Variants in LRRC53 observed in about 807,000 individuals in gnomAD.
LRRC53 encodes the protein leucine rich repeat containing 53.
Under a neutral mutation model 13.6 loss-of-function variants are expected in LRRC53, and 25 were observed. That is an observed-to-expected ratio of 1.83 (90% CI 1.34 to 2.56). LRRC53 has a LOEUF of 2.56. Ranked by LOEUF, LRRC53 falls within the 30% of genes most tolerant of loss-of-function variation. LRRC53 has a pLI of 0.00. For missense variants in LRRC53, 527 were observed against 275.8 expected, an observed-to-expected ratio of 1.91 and a Z score of -6.45; for synonymous variants, 204 against 109.8, an observed-to-expected ratio of 1.86 and a Z score of -5.37.
chr1:74,526,846 A>G, the LRRC53 span, among the ~76,000 whole-genome samples: 6,154 of 152,276 alleles, frequency 0.04, 194 homozygotes, highest in East Asian at 0.081. Context: ...ACTACAGCTC[A>G]TGGGTAAATC....
intron 1 of LRRC53, among the ~76,000 whole-genome samples, chr1:74,494,528 G>GTC (rs1206049089): frequency 6.6e-6 from 1 of 152,218 alleles, no homozygotes; most frequent in African/African-American, 2.4e-5. Flanking sequence ...ATTAGATTTG[G>GTC]TCACATCATC....
chr1:74,527,538 C>G, the LRRC53 span, among the ~76,000 whole-genome samples: 1 of 152,044 alleles, frequency 6.6e-6, no homozygotes, highest in Non-Finnish European at 1.5e-5. Flanking sequence ...AAAAGGAGAA[C>G]CAGAAAGCCA....
At chr1:74,475,116 C>CCCCACACA (rs371437916) in intron 4 of LRRC53, among the ~76,000 whole-genome samples, 179 bp downstream of exon 4, 14 of 135,994 alleles carry the variant, frequency 1.0e-4, no homozygotes, top group African/African-American at 3.6e-4. Context: ...CCACCTCAGC[C>CCCCACACA]CACACACACA....
the LRRC53 span, among the ~76,000 whole-genome samples, chr1:74,526,560 A>T: frequency 7.6e-3 from 1,152 of 152,322 alleles, 17 homozygotes; most frequent in African/African-American, 0.027. Flanking sequence ...CATCTTCTTC[A>T]TTAGGTTGCA....
At chr1:74,484,134 C>A (rs369928016) in intron 1 of LRRC53, among the ~76,000 whole-genome samples, 2 of 151,126 alleles carry the variant, frequency 1.3e-5, no homozygotes, top group South Asian at 2.1e-4. Flanking sequence ...TTTCTCAACC[C>A]CCCAGTGAAA....
intron 1 of LRRC53, among the ~76,000 whole-genome samples, chr1:74,486,201 A>AAGAGAAG (rs1668751975): frequency 7.3e-6 from 1 of 136,412 alleles, no homozygotes; most frequent in East Asian, 2.3e-4. Flanking sequence ...AAATGCTATA[A>AAGAGAAG]AGAGAGAGAG....
At chr1:74,531,528 G>A in the LRRC53 span, among the ~76,000 whole-genome samples, 1,725 of 152,254 alleles carry the variant, frequency 0.011, 42 homozygotes, top group African/African-American at 0.04. Context: ...CATTTACCCC[G>A]TCTGACAGAT....
chr1:74,480,352 A>C lies in LRRC53; in HGVS notation c.705T>G (p.Ser235=). The change falls in exon 3 of 5, where the codon TCT becomes TCG. Residue 235 remains serine (S), a synonymous_variant. Transcript: ENST00000294635. ...LARFLRNYIK[S]SAHTLRNAKD... is the part of the protein sequence containing the mutation. ...TGGCATTCCTGAGCGTGTGAGCAGAAGACTTAATGTAGTTTCTTAAAAACC... is the reference window on the plus strand; with the variant it reads ...TGGCATTCCTGAGCGTGTGAGCAGACGACTTAATGTAGTTTCTTAAAAACC... The C allele has an allele frequency of 1.4e-6, 1 of 717,808 alleles. No homozygotes were observed. 44.5% of individuals were successfully genotyped at this position (717,808 alleles called of 1,614,324 possible).
At chr1:74,476,526 A>G (rs1399661111) in intron 3 of LRRC53, among the ~76,000 whole-genome samples, 4 of 152,132 alleles carry the variant, frequency 2.6e-5, no homozygotes, top group African/African-American at 9.7e-5. Context: ...TCAACATTCT[A>G]TCCCCAGTGT....
At chr1:74,502,437 A>G (rs1451391370) in intron 1 of LRRC53, among the ~76,000 whole-genome samples, 10 of 152,264 alleles carry the variant, frequency 6.6e-5, no homozygotes, top group South Asian at 4.1e-4. Context: ...AGCAATGCAT[A>G]TAACTATTTA....
chr1:74,481,734 AG>A (rs763074715), intron 2 of LRRC53, among the ~76,000 whole-genome samples: 11 of 152,222 alleles, frequency 7.2e-5, no homozygotes, highest in Non-Finnish European at 1.5e-4. Context: ...TAGAAATCAA[AG>A]CATTTTAACT....
At position 74,475,401 on chromosome 1, in the gene LRRC53, T is replaced by TATATATTAAAA. The variant is rs1668146909; in HGVS notation, c.1313_1314insTTTTAATATAT (p.Gly439PhefsTer4). 5.6e-6 allele frequency: 4 copies of TATATATTAAAA among 717,066 alleles called. No homozygotes were observed. Among genetic ancestry groups the TATATATTAAAA allele is most frequent in the Admixed American group, 2.0e-5 (1 of 49,974 alleles). 44.4% of individuals were successfully genotyped at this position (717,066 alleles called of 1,614,324 possible). A position where few individuals can be genotyped will look rare whatever the true frequency, so the allele number is the denominator to read the frequency against. On this transcript the variant is annotated frameshift_variant, in exon 4 of 5. Coordinates refer to ENST00000294635, the MANE Select transcript of LRRC53 (RefSeq NM_001382280.1). LOFTEE classifies it high-confidence loss of function. ...TTGGATTATATGTTGTAAGTAAGCC[T>TATATATTAAAA]GCTTCATTAAAAGCTCTCATATTTC...
Position 74,480,329 on chromosome 1 carries a change from G to T in LRRC53, c.728C>A (p.Ala243Asp). 1 of 717,794 alleles carries T rather than the reference G, an allele frequency of 1.4e-6. No homozygotes were observed. The highest frequency in any genetic ancestry group is 1.5e-5 in the South Asian group (1 of 67,602). The allele number at this position is 717,794 out of a possible 1,614,324, so 44.5% of individuals were successfully genotyped here. A position where few individuals can be genotyped will look rare whatever the true frequency, so the allele number is the denominator to read the frequency against. The change falls in exon 3 of 5, where the codon GCC (alanine) becomes GAC (aspartate). Residue 243 changes from alanine (A) to aspartate (D), a missense_variant. By Grantham distance (126) the Ala-to-Asp change is moderately radical. Coordinates refer to ENST00000294635, the MANE Select transcript of LRRC53 (RefSeq NM_001382280.1). ...IKSSAHTLRNAKDLNCQPSTA... is the reference protein window; with the variant it reads ...IKSSAHTLRNDKDLNCQPSTA... The stretch of plus-strand genomic sequence containing the variant: ...AGATGGCTGGCAATTTAGGTCCTTG[G>T]CATTCCTGAGCGTGTGAGCAGAAGA...
At chr1:74,535,753 T>C in the LRRC53 span, among the ~76,000 whole-genome samples, 3 of 152,198 alleles carry the variant, frequency 2.0e-5, no homozygotes, top group African/African-American at 7.2e-5. Context: ...GGGAATGTCA[T>C]CTATATGAAA....
At position 74,512,563 on chromosome 1, in the gene LRRC53, A is replaced by G. The variant is rs1291014673; in HGVS notation, c.-64T>C. On this transcript the variant is annotated 5_prime_UTR_variant, in exon 1 of 5. An upstream start codon of the reference 5' UTR is lost. Coordinates refer to ENST00000294635, the MANE Select transcript of LRRC53 (RefSeq NM_001382280.1). The stretch of plus-strand genomic sequence containing the variant: ...CAGCTTGTAGTTTGTGAATCTCTAC[A>G]TTAAAAGGTGGATGATGAATCTGAG... 1 of 152,226 alleles carries G rather than the reference A, an allele frequency of 6.6e-6. No homozygotes were observed. Among genetic ancestry groups the G allele is most frequent in the Non-Finnish European group, 1.5e-5 (1 of 68,032 alleles). 9.4% of individuals were successfully genotyped at this position (152,226 alleles called of 1,614,324 possible). A position where few individuals can be genotyped will look rare whatever the true frequency, so the allele number is the denominator to read the frequency against.
chr1:74,474,383 A>G (rs917009373), intron 4 of LRRC53, among the ~76,000 whole-genome samples: 1 of 152,142 alleles, frequency 6.6e-6, no homozygotes, highest in Non-Finnish European at 1.5e-5. Flanking sequence ...GGAGTGTGGG[A>G]ATGCAATGGA....
chr1:74,492,941 C>T (rs1229067751), intron 1 of LRRC53, among the ~76,000 whole-genome samples: 1 of 152,150 alleles, frequency 6.6e-6, no homozygotes, highest in Non-Finnish European at 1.5e-5. Context: ...TTCTAGAAAT[C>T]CACCTTTTTT....
At chr1:74,481,020 A>T (rs543626278) in intron 2 of LRRC53, 52 bp from the exon 3 acceptor site, 20 of 658,620 alleles carry the variant, frequency 3.0e-5, no homozygotes, top group Non-Finnish European at 2.3e-5. Flanking sequence ...AGTGGGAGGG[A>T]GGGGGTATGG....
At chr1:74,515,921 G>A (rs369408227), upstream of LRRC53, among the ~76,000 whole-genome samples, 8 of 152,252 alleles carry the variant, frequency 5.3e-5, no homozygotes, top group East Asian at 1.5e-3. Flanking sequence ...TTACCTCCTG[G>A]CTGCCTTCAA....
Sources: gnomAD v4.1 joint callset for allele counts (sites outside exome capture counted in the v4.1 genomes callset) on GRCh38, gnomAD v4.1.1 for gene constraint, MANE v1.5 for transcripts, NCBI Gene and HGNC (gene_info 2026-07-23, HGNC 2026-07-21) for gene names.